MPP7: variants seen among roughly 807,000 people sequenced by gnomAD.
MPP7 encodes MAGUK p55 scaffold protein 7.
Under a neutral mutation model 76.5 loss-of-function variants are expected in MPP7, and 60 were observed. The observed-to-expected ratio is 0.78, with a 90% CI of 0.64 to 0.97. The LOEUF (loss-of-function observed/expected upper bound fraction) is 0.97, where lower values mean the gene tolerates loss of function less well. Ranked by LOEUF, MPP7 falls within the 50% of genes least tolerant of loss-of-function variation. The probability of loss-of-function intolerance (pLI) is 0.00; values close to 1 mark genes in which losing one functional copy is unlikely to be tolerated. For synonymous variants in MPP7, 237 were observed against 244.5 expected (o/e 0.97, Z 0.29); for missense variants, 641 against 694.0 (o/e 0.92, Z 0.86).
At chr10:28,196,830 C>G (rs958925503) in intron 3 of MPP7, among the ~76,000 whole-genome samples, 6 of 152,178 alleles carry the variant, frequency 3.9e-5, no homozygotes, top group African/African-American at 1.4e-4. Context: ...CATCTCTGAC[C>G]TGGGAATCTC....
chr10:28,161,175 A>C (rs1311289835), intron 3 of MPP7, among the ~76,000 whole-genome samples: 1 of 151,996 alleles, frequency 6.6e-6, no homozygotes, highest in Non-Finnish European at 1.5e-5. Flanking sequence ...ACTAACATAC[A>C]TTTTTCATTT....
intron 1 of MPP7, among the ~76,000 whole-genome samples, chr10:28,278,422 A>C (rs1054945986): frequency 2.0e-5 from 3 of 152,108 alleles, no homozygotes; most frequent in Non-Finnish European, 4.4e-5. Context: ...TTCCTAATCA[A>C]TTTAAGGCAT....
At chr10:28,263,309 C>T (rs1467923019) in intron 1 of MPP7, among the ~76,000 whole-genome samples, 2 of 152,070 alleles carry the variant, frequency 1.3e-5, no homozygotes, top group Non-Finnish European at 2.9e-5. Flanking sequence ...ACCTGATGGG[C>T]CTGGGGAGGG....
intron 1 of MPP7, among the ~76,000 whole-genome samples, chr10:28,239,233 C>A (rs2132750326): frequency 6.6e-6 from 1 of 151,956 alleles, no homozygotes; most frequent in African/African-American, 2.4e-5. Flanking sequence ...CAACCTCCGC[C>A]TCCTATGTTC....
chr10:28,265,728 T>A (rs1438554501), intron 1 of MPP7, among the ~76,000 whole-genome samples: 1 of 152,204 alleles, frequency 6.6e-6, no homozygotes, highest in Non-Finnish European at 1.5e-5. Flanking sequence ...CTTTTTTAAC[T>A]TTATCGAGTT....
chr10:28,126,343 C>G (rs1371118393), intron 6 of MPP7, among the ~76,000 whole-genome samples: 2 of 152,198 alleles, frequency 1.3e-5, no homozygotes, highest in African/African-American at 2.4e-5. Context: ...CTCAATATAA[C>G]TAATTAGTTT....
At chr10:28,095,222 T>TATATATATATATATATATATAC (rs775763967) in intron 11 of MPP7, among the ~76,000 whole-genome samples, 2 of 136,664 alleles carry the variant, frequency 1.5e-5, no homozygotes, top group Non-Finnish European at 3.2e-5. Context: ...TATATATATA[T>TATATATATATATATATATATAC]ACAGAAACAT....
At chr10:28,322,618 G>A (rs550966095) in intron 2 of MPP7, among the ~76,000 whole-genome samples, 4 of 152,002 alleles carry the variant, frequency 2.6e-5, no homozygotes, top group Non-Finnish European at 5.9e-5. Flanking sequence ...ACCTTTCCCA[G>A]GGGTAAAACT....
intron 1 of MPP7, among the ~76,000 whole-genome samples, chr10:28,242,087 C>A (rs1298118507): frequency 6.6e-6 from 1 of 152,184 alleles, no homozygotes; most frequent in Non-Finnish European, 1.5e-5. Flanking sequence ...CATATACACA[C>A]ACACACAGTT....
At chr10:28,205,478 T>C (rs1036160538) in intron 2 of MPP7, among the ~76,000 whole-genome samples, 1 of 152,200 alleles carries the variant, frequency 6.6e-6, no homozygotes, top group African/African-American at 2.4e-5. Flanking sequence ...TAAATCTACT[T>C]GGTCTTTGGG....
At chr10:28,147,884 T>G (rs1396540875) in intron 4 of MPP7, among the ~76,000 whole-genome samples, 1 of 152,134 alleles carries the variant, frequency 6.6e-6, no homozygotes, top group African/African-American at 2.4e-5. Context: ...GGACCACTTG[T>G]AAGAAGAACT....
At chr10:28,088,706 G>C (rs1048919045) in intron 12 of MPP7, among the ~76,000 whole-genome samples, 4 of 152,110 alleles carry the variant, frequency 2.6e-5, no homozygotes, top group African/African-American at 9.7e-5. Context: ...CTTTGATCCT[G>C]GAAGTTTAAA....
At chr10:28,297,706 T>TA (rs558954418) in intron 1 of MPP7, among the ~76,000 whole-genome samples, 39 of 151,838 alleles carry the variant, frequency 2.6e-4, no homozygotes, top group African/African-American at 7.2e-4. Context: ...CTCAAAAAAA[T>TA]AAAAAAAATG....
intron 12 of MPP7, among the ~76,000 whole-genome samples, chr10:28,076,103 A>T: frequency 6.6e-6 from 1 of 152,328 alleles, no homozygotes; most frequent in South Asian, 2.1e-4. Flanking sequence ...TGGAATTCAC[A>T]TCTGAACTTG....
At chr10:28,092,567 G>A (rs1853358256) in intron 11 of MPP7, among the ~76,000 whole-genome samples, 3 of 129,442 alleles carry the variant, frequency 2.3e-5, no homozygotes, top group Admixed American at 8.4e-5. Context: ...ATAGAACCCA[G>A]AAAAGGGACC....
At chr10:28,074,046 T>A (rs552346723) in intron 12 of MPP7, among the ~76,000 whole-genome samples, 1 of 152,278 alleles carries the variant, frequency 6.6e-6, no homozygotes, top group East Asian at 1.9e-4. Flanking sequence ...TTAATGGCTG[T>A]ATCACCCACC....
chr10:28,231,839 A>G (rs1207733557), intron 2 of MPP7, among the ~76,000 whole-genome samples: 1 of 152,222 alleles, frequency 6.6e-6, no homozygotes, highest in Non-Finnish European at 1.5e-5. Context: ...ACTCTTCCAC[A>G]GAAGAGGAAA....
chr10:28,111,119 C>T (rs1447117031), intron 11 of MPP7, among the ~76,000 whole-genome samples: 3 of 151,880 alleles, frequency 2.0e-5, no homozygotes, highest in Non-Finnish European at 4.4e-5. Flanking sequence ...CTTTAATTTC[C>T]TCTGAGAAGC....
intron 14 of MPP7, chr10:28,059,442 T>G: frequency 2.1e-6 from 1 of 480,860 alleles, no homozygotes; most frequent in Non-Finnish European, 3.7e-6. Flanking sequence ...ACACATTTTA[T>G]AGAAATGAAG....
Sources: gnomAD v4.1 joint callset for allele counts (sites outside exome capture counted in the v4.1 genomes callset) on GRCh38, gnomAD v4.1.1 for gene constraint, MANE v1.5 for transcripts, NCBI Gene and HGNC (gene_info 2026-07-23, HGNC 2026-07-21) for gene names.